Variants in C4orf51 observed in about 807,000 individuals in gnomAD.
The protein encoded by C4orf51 is chromosome 4 open reading frame 51.
C4orf51 carries 25 observed loss-of-function variants against 25.2 expected under a neutral mutation model. That is an observed-to-expected ratio of 0.99 (90% confidence interval 0.72 to 1.39). C4orf51 has a LOEUF of 1.39. Among genes scored for constraint, C4orf51 ranks in the 40% most tolerant of loss-of-function variants. The probability of loss-of-function intolerance (pLI) is 0.00; values close to 1 mark genes in which losing one functional copy is unlikely to be tolerated. For synonymous variants in C4orf51, 100 were observed against 84.5 expected (o/e 1.18, Z -1.01); for missense variants, 252 against 239.6 (o/e 1.05, Z -0.34).
At chr4:145,783,232 G>A in the C4orf51 span, among the ~76,000 whole-genome samples, 1 of 152,200 alleles carries the variant, frequency 6.6e-6, no homozygotes, top group Non-Finnish European at 1.5e-5. Flanking sequence ...CATAAGAGGT[G>A]CTTAGTATAT....
chr4:145,734,437 G>A (rs1485556349), downstream of C4orf51, among the ~76,000 whole-genome samples: 1 of 152,094 alleles, frequency 6.6e-6, no homozygotes, highest in African/African-American at 2.4e-5. Flanking sequence ...AAGAGACCTG[G>A]GCATCAAGAG....
At chr4:145,733,034 G>A (rs1447544314), downstream of C4orf51, among the ~76,000 whole-genome samples, 1 of 152,138 alleles carries the variant, frequency 6.6e-6, no homozygotes, top group Non-Finnish European at 1.5e-5. Context: ...CGACAGTCGC[G>A]GGGGCGGGGG....
At chr4:145,737,861 T>G (rs1391281182) in intron 1 of C4orf51, among the ~76,000 whole-genome samples, 2 of 152,238 alleles carry the variant, frequency 1.3e-5, no homozygotes, top group African/African-American at 4.8e-5. Flanking sequence ...ATGTATGAAT[T>G]TATTTTTAAA....
chr4:145,760,829 G>A, intron 1 of C4orf51: 1 of 1,201,768 alleles, frequency 8.3e-7, no homozygotes, highest in Non-Finnish European at 1.1e-6. Context: ...AGGAAGGAGT[G>A]TTTGGGTGAG....
chr4:145,761,638 G>A lies in C4orf51; in HGVS notation n.167-9350G>A, dbSNP rs1379128244. On this transcript the variant is annotated intron_variant and non_coding_transcript_variant, in intron 1 of 1. Coordinates refer to the C4orf51 transcript ENST00000510096. This position sits in a 1 kb window ranked among gnomAD's most constrained non-coding sequence, Gnocchi z 6.8. ...AACGCAAGGGAGGTTCAGCCGGGAA[G>A]GTTCGGAGGCAGCCGCGCTTCTCGC... is the stretch of plus-strand genomic sequence containing the variant. The A allele has an allele frequency of 8.5e-7, 1 of 1,180,368 alleles. No homozygotes were observed. Among genetic ancestry groups the A allele is most frequent in the Admixed American group, 2.6e-5 (1 of 38,132 alleles). The allele number at this position is 1,180,368 out of a possible 1,614,324, so 73.1% of individuals were successfully genotyped here. A position where few individuals can be genotyped will look rare whatever the true frequency, so the allele number is the denominator to read the frequency against.
At chr4:145,779,101 T>C in the C4orf51 span, among the ~76,000 whole-genome samples, 3 of 151,940 alleles carry the variant, frequency 2.0e-5, no homozygotes, top group African/African-American at 7.2e-5. Flanking sequence ...ACTCAATACA[T>C]TTTTTTTAAC....
chr4:145,784,016 G>C, the C4orf51 span, among the ~76,000 whole-genome samples: 1 of 152,082 alleles, frequency 6.6e-6, no homozygotes, highest in Non-Finnish European at 1.5e-5. Flanking sequence ...TTGTTTAAAA[G>C]TGTGCAGCAC....
intron 2 of C4orf51, among the ~76,000 whole-genome samples, chr4:145,704,532 T>C (rs964314873): frequency 6.6e-6 from 1 of 152,268 alleles, no homozygotes; most frequent in Non-Finnish European, 1.5e-5. Context: ...TAGCTAACTG[T>C]ATATGCGTGG....
chr4:145,713,135 G>A (rs1183274038), intron 2 of C4orf51, among the ~76,000 whole-genome samples: 3 of 152,196 alleles, frequency 2.0e-5, no homozygotes, highest in African/African-American at 4.8e-5. Flanking sequence ...GAACTCTGAC[G>A]GAGATGTACA....
intron 1 of C4orf51, among the ~76,000 whole-genome samples, chr4:145,690,387 C>T (rs1347440383): frequency 1.3e-5 from 2 of 151,812 alleles, no homozygotes; most frequent in African/African-American, 4.8e-5. Flanking sequence ...CACCTGTAGT[C>T]CCAGCTACTC....
At chr4:145,779,761 A>G in the C4orf51 span, among the ~76,000 whole-genome samples, 1 of 152,250 alleles carries the variant, frequency 6.6e-6, no homozygotes, top group East Asian at 1.9e-4. Flanking sequence ...ACTAAAGACC[A>G]GCCAACTAAC....
chr4:145,711,194 GA>G (rs1401703614), intron 2 of C4orf51, among the ~76,000 whole-genome samples: 1 of 152,090 alleles, frequency 6.6e-6, no homozygotes, highest in Non-Finnish European at 1.5e-5. Flanking sequence ...TACCCCTAAG[GA>G]AAAATTCACC....
At chr4:145,706,926 C>T (rs1006539451) in intron 2 of C4orf51, among the ~76,000 whole-genome samples, 1 of 151,992 alleles carries the variant, frequency 6.6e-6, no homozygotes, top group Non-Finnish European at 1.5e-5. Context: ...ATTCTCCTGC[C>T]TCAGCCTCTT....
intron 1 of C4orf51, among the ~76,000 whole-genome samples, chr4:145,686,055 C>A (rs996354489): frequency 6.6e-6 from 1 of 152,122 alleles, no homozygotes; most frequent in Non-Finnish European, 1.5e-5. Context: ...AAATGTGGTA[C>A]ATACATACAA....
intron 1 of C4orf51, among the ~76,000 whole-genome samples, chr4:145,744,376 C>A (rs1460078484): frequency 6.6e-6 from 1 of 152,134 alleles, no homozygotes; most frequent in Non-Finnish European, 1.5e-5. Flanking sequence ...CAAAATCATT[C>A]GTGTACACAT....
At chr4:145,778,397 G>A in the C4orf51 span, among the ~76,000 whole-genome samples, 41 of 152,302 alleles carry the variant, frequency 2.7e-4, no homozygotes, top group Admixed American at 5.2e-4. Context: ...GCCTCCCAAA[G>A]TGTTGGGATT....
rs999267557 is a variant in C4orf51, at chr4:145,730,343, G to A, written c.501+378G>A. ...TGCCGCATATCCACCCTGGTTGCCC[G>A]GTGGCTGGAGTTTCCCTCCTCATGT... On this transcript the variant is annotated intron_variant, in intron 5 of 5. Transcript: ENST00000438731. Among the ~76,000 whole-genome samples the A allele has an allele frequency of 2.6e-5, 4 of 152,084 alleles. 1 individual carries two copies. In the South Asian group the frequency reaches 6.2e-4, roughly 24 times the overall value.
At chr4:145,706,726 C>T (rs916854127) in intron 2 of C4orf51, among the ~76,000 whole-genome samples, 11 of 152,124 alleles carry the variant, frequency 7.2e-5, no homozygotes, top group South Asian at 2.1e-4. Context: ...CTGCAAGTTC[C>T]GCCTCCTCAG....
At chr4:145,764,441 C>T (rs542860945) in intron 1 of C4orf51, among the ~76,000 whole-genome samples, 10 of 152,260 alleles carry the variant, frequency 6.6e-5, no homozygotes, top group East Asian at 1.9e-4. Flanking sequence ...AGATGATGCT[C>T]GTTGTCTAGA....
Sources: gnomAD v4.1 joint callset for allele counts (sites outside exome capture counted in the v4.1 genomes callset) on GRCh38, gnomAD v4.1.1 for gene constraint, Gnocchi (gnomAD v3.1) non-coding constraint, MANE v1.5 for transcripts, NCBI Gene and HGNC (gene_info 2026-07-23, HGNC 2026-07-21) for gene names.